Variants in EYS observed in about 807,000 individuals in gnomAD.
The protein encoded by EYS is EGF-like photoreceptor maintenance factor.
A neutral mutation model predicts 282.1 loss-of-function variants in EYS; 250 were observed. The observed-to-expected ratio is 0.89, with a 90% CI of 0.80 to 0.98. The LOEUF is 0.98. EYS is among the 50% of genes least tolerant of loss of function. EYS has a pLI of 0.00. For missense variants in EYS, 4,016 were observed against 3,709.0 expected (o/e 1.08, Z -2.15); for synonymous variants, 1,355 against 1,282.9 (o/e 1.06, Z -1.20).
chr6:65,586,308 C>T (rs1165467893), intron 2 of EYS, among the ~76,000 whole-genome samples: 2 of 152,014 alleles, frequency 1.3e-5, no homozygotes, highest in Non-Finnish European at 2.9e-5. Context: ...TGCTCTTACA[C>T]TGATCTCTTG....
intron 13 of EYS, among the ~76,000 whole-genome samples, chr6:65,011,351 C>T (rs1771861984): frequency 1.3e-5 from 2 of 152,102 alleles, no homozygotes; most frequent in African/African-American, 2.4e-5. Context: ...CATTTCAATC[C>T]CTGTATCTTT....
chr6:65,344,235 G>A (rs1290759204), intron 9 of EYS, 58 bp from the exon 10 acceptor site: 2 of 1,359,430 alleles, frequency 1.5e-6, no homozygotes, highest in African/African-American at 2.9e-5. Flanking sequence ...AATTCAGAAT[G>A]AATTATTAAG....
chr6:65,671,211 T>C (rs566965054), intron 1 of EYS, among the ~76,000 whole-genome samples: 4 of 152,236 alleles, frequency 2.6e-5, no homozygotes, highest in Non-Finnish European at 2.9e-5. Context: ...TAAATTAAAA[T>C]CAGTTCCACT....
At position 65,336,558 on chromosome 6, in the gene EYS, G is replaced by T. The variant is rs374020264; in HGVS notation, c.1600-1412C>A. On this transcript the variant is annotated intron_variant, in intron 10 of 42. Transcript: ENST00000503581. ...AGACATTATTTAAATAGTAACTGATGTGATGGAAATAGCATTGTATTGATA... is the reference window on the plus strand; with the variant it reads ...AGACATTATTTAAATAGTAACTGATTTGATGGAAATAGCATTGTATTGATA... Among the ~76,000 whole-genome samples, 3 of 151,432 alleles carry T rather than the reference G, an allele frequency of 2.0e-5. No individual in the cohort carries two copies. The East Asian group carries it at 5.9e-4, about 30-fold the overall frequency.
chr6:65,607,444 T>C (rs354394), intron 2 of EYS, among the ~76,000 whole-genome samples: 129,386 of 151,880 alleles, frequency 0.85, 55,645 homozygotes, highest in East Asian at 0.97. Context: ...ACCAATACAA[T>C]TAATAAGATT....
chr6:64,031,023 C>G (rs1300074004), intron 33 of EYS, among the ~76,000 whole-genome samples: 1 of 152,246 alleles, frequency 6.6e-6, no homozygotes, highest in Non-Finnish European at 1.5e-5. Flanking sequence ...CTCACTTGCT[C>G]TTGGCACCTC....
chr6:65,309,750 T>G (rs1769105190), intron 11 of EYS, among the ~76,000 whole-genome samples: 1 of 152,142 alleles, frequency 6.6e-6, no homozygotes, highest in Admixed American at 6.5e-5. Flanking sequence ...CGGTAAAAAT[T>G]CTATGGTTAT....
At chr6:64,365,420 T>C (rs1409125947) in intron 29 of EYS, among the ~76,000 whole-genome samples, 1 of 152,006 alleles carries the variant, frequency 6.6e-6, no homozygotes, top group African/African-American at 2.4e-5. Context: ...GGGCAAGCTA[T>C]GTCTCAGCCC....
At chr6:65,618,002 G>T (rs1766280707) in intron 2 of EYS, among the ~76,000 whole-genome samples, 1 of 152,008 alleles carries the variant, frequency 6.6e-6, no homozygotes, top group African/African-American at 2.4e-5. Flanking sequence ...GAATAATGCT[G>T]CAATAAACAT....
chr6:64,953,957 C>A (rs1379354047), intron 14 of EYS, among the ~76,000 whole-genome samples: 2 of 151,708 alleles, frequency 1.3e-5, no homozygotes, highest in Non-Finnish European at 2.9e-5. Flanking sequence ...AAAACATAAA[C>A]CTCTAAGAAA....
intron 19 of EYS, among the ~76,000 whole-genome samples, chr6:64,836,946 C>T (rs951484902): frequency 6.6e-5 from 10 of 151,376 alleles, no homozygotes; most frequent in African/African-American, 1.9e-4. Flanking sequence ...ATAGTATAGC[C>T]TCATGATGAA....
intron 29 of EYS, among the ~76,000 whole-genome samples, chr6:64,362,916 T>A (rs976900922): frequency 6.6e-6 from 1 of 151,828 alleles, no homozygotes; most frequent in African/African-American, 2.4e-5. Flanking sequence ...CATGTGAATA[T>A]CCTTGTCAAT....
intron 36 of EYS, chr6:63,857,635 TG>T: frequency 2.2e-6 from 1 of 445,022 alleles, no homozygotes; most frequent in South Asian, 1.7e-5. Context: ...GTGCATTTTC[TG>T]GAGCTGGAGA....
At chr6:65,490,232 G>A (rs1447136662) in intron 5 of EYS, 1 of 160,730 alleles carries the variant, frequency 6.2e-6, no homozygotes, top group African/African-American at 2.4e-5. Flanking sequence ...CTCAACATGT[G>A]TTCAGTGAAA....
intron 22 of EYS, among the ~76,000 whole-genome samples, chr6:64,634,422 G>T (rs1264976422): frequency 6.6e-6 from 1 of 152,062 alleles, no homozygotes; most frequent in Non-Finnish European, 1.5e-5. Context: ...GATGAACAAA[G>T]CAATTATTCA....
chr6:65,197,058 GT>G (rs1416402268), intron 12 of EYS, among the ~76,000 whole-genome samples: 2 of 151,946 alleles, frequency 1.3e-5, no homozygotes, highest in Non-Finnish European at 2.9e-5. Context: ...TTTTCCAAAG[GT>G]CATTCTGTAG....
chr6:64,925,781 C>T (rs115624595), intron 15 of EYS, among the ~76,000 whole-genome samples: 1,584 of 152,152 alleles, frequency 0.01, 15 homozygotes, highest in African/African-American at 0.036. Context: ...TTCAGTGGTC[C>T]TTGTCCCCCA....
chr6:63,764,195 C>G (rs1769725732), intron 40 of EYS, among the ~76,000 whole-genome samples: 1 of 151,942 alleles, frequency 6.6e-6, no homozygotes, highest in South Asian at 2.1e-4. Flanking sequence ...AGCTGGAGGA[C>G]AGCAGCTGAT....
chr6:65,426,181 G>A (rs988130426), intron 5 of EYS, among the ~76,000 whole-genome samples: 5 of 151,972 alleles, frequency 3.3e-5, no homozygotes, highest in Non-Finnish European at 4.4e-5. Context: ...TTCTTGCTAC[G>A]TTGCTTAGGC....
Sources: allele counts gnomAD v4.1 joint callset (sites outside exome capture counted in the v4.1 genomes callset), GRCh38; gene constraint gnomAD v4.1.1; transcripts MANE v1.5; gene names NCBI Gene and HGNC (gene_info 2026-07-23, HGNC 2026-07-21).